The following EXOC4 variants were observed in gnomAD, a reference collection of about 807,000 sequenced individuals.
EXOC4 encodes SEC8-like 1.
EXOC4 carries 71 observed loss-of-function variants against 107.2 expected under a neutral mutation model. The observed-to-expected ratio is 0.66, with a 90% CI of 0.55 to 0.81. The LOEUF (loss-of-function observed/expected upper bound fraction) is 0.81. Among genes scored for constraint, EXOC4 ranks in the 30% least tolerant of loss-of-function variants. The pLI is 0.00. For missense variants in EXOC4, 1,108 were observed against 1,189.6 expected (o/e 0.93, Z 1.01); for synonymous variants, 456 against 441.2 (o/e 1.03, Z -0.42).
rs1797257780 is a variant in EXOC4 at position 133,812,509 on chromosome 7, AG to A, written c.1515-4814del. On this transcript the variant is annotated intron_variant, in intron 10 of 17. Transcript: ENST00000253861. ...CCCCTCTGCAGAGTGACACTGAGTG[AG>A]GTTCATCTCCTGGATGGCTAGGAAG... is the stretch of plus-strand genomic sequence containing the variant. 1.3e-5 allele frequency among the ~76,000 whole-genome samples: 2 copies of A among 152,102 alleles called. 1 individual carries two copies. The highest frequency in any genetic ancestry group is 4.2e-4 in the South Asian group (2 of 4,806).
At chr7:133,614,990 A>G (rs1303724862) in intron 9 of EXOC4, among the ~76,000 whole-genome samples, 2 of 152,124 alleles carry the variant, frequency 1.3e-5, no homozygotes, top group African/African-American at 2.4e-5. Flanking sequence ...ACAAATTGAC[A>G]TTAGATAATC....
chr7:133,646,623 AT>A (rs1562889993), intron 10 of EXOC4, among the ~76,000 whole-genome samples: 3 of 152,156 alleles, frequency 2.0e-5, no homozygotes, highest in Non-Finnish European at 2.9e-5. Flanking sequence ...AAATATATGT[AT>A]GTGTGGTATG....
intron 7 of EXOC4, among the ~76,000 whole-genome samples, chr7:133,457,523 T>A (rs1205707516): frequency 6.6e-6 from 1 of 152,152 alleles, no homozygotes; most frequent in Non-Finnish European, 1.5e-5. Flanking sequence ...TTGAGTGGGA[T>A]CATTTTCTCA....
intron 13 of EXOC4, among the ~76,000 whole-genome samples, chr7:133,920,995 A>C (rs1799924539): frequency 6.6e-6 from 1 of 152,230 alleles, no homozygotes; most frequent in Non-Finnish European, 1.5e-5. Context: ...AGGGAGGGAT[A>C]GACAGATAGA....
intron 10 of EXOC4, among the ~76,000 whole-genome samples, chr7:133,649,467 CT>C (rs61225754): frequency 4.7e-5 from 4 of 85,404 alleles, no homozygotes; most frequent in African/African-American, 1.6e-4. Flanking sequence ...ACTACTTTTT[CT>C]TTTTTTTTTT....
intron 7 of EXOC4, among the ~76,000 whole-genome samples, chr7:133,376,159 G>T (rs1228350232): frequency 6.6e-6 from 1 of 152,046 alleles, no homozygotes; most frequent in Admixed American, 6.6e-5. Context: ...TTGATTCCTG[G>T]TTTTTCATTC....
chr7:133,742,120 T>C (rs1562978669), intron 10 of EXOC4, among the ~76,000 whole-genome samples: 2 of 152,190 alleles, frequency 1.3e-5, no homozygotes. Context: ...TGAATACCAG[T>C]CATTAGCCCT....
At chr7:133,650,860 AT>A (rs2151034276) in intron 10 of EXOC4, among the ~76,000 whole-genome samples, 1 of 148,046 alleles carries the variant, frequency 6.8e-6, no homozygotes, top group East Asian at 2.0e-4. Context: ...TTTCTAGGTT[AT>A]TTATCCCATA....
At chr7:133,929,866 T>C (rs1800138046) in intron 13 of EXOC4, among the ~76,000 whole-genome samples, 1 of 152,104 alleles carries the variant, frequency 6.6e-6, no homozygotes. Context: ...TCCCTTCTCT[T>C]CTCTATTCCA....
chr7:133,771,928 A>G (rs1796251414), intron 10 of EXOC4, among the ~76,000 whole-genome samples: 1 of 151,928 alleles, frequency 6.6e-6, no homozygotes, highest in South Asian at 2.1e-4. Flanking sequence ...GACTCTTATT[A>G]TTCTGGAAAG....
intron 5 of EXOC4, 99 bp downstream of exon 5, chr7:133,317,489 G>T: frequency 1.3e-6 from 1 of 766,042 alleles, no homozygotes; most frequent in South Asian, 1.6e-5. Flanking sequence ...AGGTTGGGCT[G>T]GGCTAGGTGG....
chr7:133,339,533 T>C (rs1795610295), intron 5 of EXOC4, among the ~76,000 whole-genome samples: 1 of 152,200 alleles, frequency 6.6e-6, no homozygotes, highest in African/African-American at 2.4e-5. Flanking sequence ...TTGTTTTTTC[T>C]AGTTCTGTGA....
intron 9 of EXOC4, among the ~76,000 whole-genome samples, chr7:133,483,610 G>T (rs1799205514): frequency 2.6e-5 from 4 of 152,154 alleles, no homozygotes. Context: ...CAGAAGAAAA[G>T]TAATAGTTAG....
chr7:134,089,779 A>G, the EXOC4 span, among the ~76,000 whole-genome samples: 1 of 152,124 alleles, frequency 6.6e-6, no homozygotes, highest in Non-Finnish European at 1.5e-5. Flanking sequence ...ACCATATAAG[A>G]TCCTTTCTTA....
At chr7:133,742,067 C>G (rs942368457) in intron 10 of EXOC4, among the ~76,000 whole-genome samples, 1 of 152,194 alleles carries the variant, frequency 6.6e-6, no homozygotes, top group Non-Finnish European at 1.5e-5. Context: ...AGGTACTAAA[C>G]TACTTCTGCG....
chr7:133,280,221 A>G (rs1376227092), intron 2 of EXOC4, among the ~76,000 whole-genome samples: 1 of 152,244 alleles, frequency 6.6e-6, no homozygotes, highest in Non-Finnish European at 1.5e-5. Flanking sequence ...TAATGTGGAC[A>G]ATAAGCAAAA....
In EXOC4 at chr7:133,810,596, C is replaced by CATTTTATTTTATTTTAT. The variant is rs1563007790; in HGVS notation, c.1515-6729_1515-6728insATTTTATTTTATTTTAT. Among the ~76,000 whole-genome samples, 209 of 103,866 alleles carry CATTTTATTTTATTTTAT rather than the reference C, an allele frequency of 2.0e-3. 2 individuals carry two copies. The highest frequency in any genetic ancestry group is 0.012 in the East Asian group (33 of 2,814). 68.1% of individuals were successfully genotyped at this position (103,866 alleles called of 152,430 possible). On this transcript the variant is annotated intron_variant, in intron 10 of 17. Transcript: ENST00000253861. The stretch of plus-strand genomic sequence containing the variant: ...TTTAGACGATAAGATCCATGCTTTG[C>CATTTTATTTTATTTTAT]TTTATTTTATTTTATTTTATTTTAT...
At chr7:133,793,801 G>A (rs762827589) in intron 10 of EXOC4, among the ~76,000 whole-genome samples, 10 of 151,966 alleles carry the variant, frequency 6.6e-5, no homozygotes, top group African/African-American at 2.2e-4. Flanking sequence ...CCAAAATCGC[G>A]CCTCTGCACT....
chr7:134,064,274 C>G lies in EXOC4; in HGVS notation c.2688-17C>G. 2 of 1,412,982 alleles carry G rather than the reference C, an allele frequency of 1.4e-6. No individual in the cohort carries two copies. Among genetic ancestry groups the G allele is most frequent in the Non-Finnish European group, 1.9e-6 (2 of 1,070,048 alleles). 87.5% of individuals were successfully genotyped at this position (1,412,982 alleles called of 1,614,324 possible). On this transcript the variant is annotated splice_polypyrimidine_tract_variant and intron_variant, in intron 17 of 17. Transcript: ENST00000253861. ...CAGTGGGGAGCCAGTGAGCAGTGTT[C>G]TCTCTTGCTTTCTCAGGCAGTACTA...
Sources: gnomAD v4.1 joint callset for allele counts (sites outside exome capture counted in the v4.1 genomes callset) on GRCh38, gnomAD v4.1.1 for gene constraint, MANE v1.5 for transcripts, NCBI Gene and HGNC (gene_info 2026-07-23, HGNC 2026-07-21) for gene names.